TLN2: variants seen among roughly 807,000 people sequenced by gnomAD.
TLN2 encodes talin-2.
In TLN2, 118 loss-of-function variants were observed where a neutral mutation model predicts 294.7. The ratio of observed to expected loss-of-function variants is 0.40; its 90% CI spans 0.34 to 0.47. The LOEUF is 0.47. TLN2 is among the 20% of genes least tolerant of loss of function. The pLI is 0.84. For synonymous variants in TLN2, 1,431 were observed against 1,304.5 expected (o/e 1.10, Z -2.09); for missense variants, 3,083 against 3,282.2 (o/e 0.94, Z 1.48).
At chr15:62,832,328 C>T (rs953965005) in intron 54 of TLN2, 1 of 152,122 alleles carries the variant, frequency 6.6e-6, no homozygotes, top group African/African-American at 2.4e-5. Flanking sequence ...TGGGCCTGGC[C>T]ATCATCTCTC....
chr15:62,474,985 C>T (rs958239901), intron 1 of TLN2, among the ~76,000 whole-genome samples: 2 of 152,030 alleles, frequency 1.3e-5, no homozygotes, highest in African/African-American at 4.8e-5. Flanking sequence ...CTGAGTTCTA[C>T]GCTATGCAAA....
At chr15:62,549,429 C>A (rs2042166969) in intron 1 of TLN2, among the ~76,000 whole-genome samples, 1 of 152,166 alleles carries the variant, frequency 6.6e-6, no homozygotes, top group African/African-American at 2.4e-5. Context: ...GCCACCGCCC[C>A]TGGCCACTGA....
intron 14 of TLN2, among the ~76,000 whole-genome samples, chr15:62,695,297 C>T (rs996924991): frequency 1.3e-5 from 2 of 152,132 alleles, no homozygotes; most frequent in African/African-American, 4.8e-5. Flanking sequence ...AAAGGGAGGC[C>T]AGGGGTCTCA....
At chr15:62,723,523 G>A (rs1374117977) in intron 26 of TLN2, among the ~76,000 whole-genome samples, 2 of 143,908 alleles carry the variant, frequency 1.4e-5, no homozygotes, top group Admixed American at 7.1e-5. Context: ...GGTACAGGAA[G>A]ACACACTGTG....
At chr15:62,468,877 A>AT in intron 1 of TLN2, among the ~76,000 whole-genome samples, 1 of 152,348 alleles carries the variant, frequency 6.6e-6, no homozygotes, top group South Asian at 2.1e-4. Flanking sequence ...GCTCATTTCC[A>AT]TGCTGTTTTC....
At chr15:62,655,396 G>A (rs973975014) in intron 7 of TLN2, among the ~76,000 whole-genome samples, 7 of 152,100 alleles carry the variant, frequency 4.6e-5, no homozygotes, top group African/African-American at 1.4e-4. Flanking sequence ...CCCATGGCAC[G>A]GTTCTGCCAG....
At chr15:62,519,397 T>C (rs777777866) in intron 1 of TLN2, among the ~76,000 whole-genome samples, 3 of 152,232 alleles carry the variant, frequency 2.0e-5, no homozygotes, top group African/African-American at 4.8e-5. Flanking sequence ...CACACCTTTA[T>C]TTTAAGCTTA....
At chr15:62,630,847 T>G in intron 3 of TLN2, among the ~76,000 whole-genome samples, 1 of 152,164 alleles carries the variant, frequency 6.6e-6, no homozygotes, top group East Asian at 1.9e-4. Context: ...TGTCTTTTTC[T>G]TTTTGACATT....
chr15:62,709,590 G>A (rs2059290115), intron 21 of TLN2, among the ~76,000 whole-genome samples: 1 of 152,152 alleles, frequency 6.6e-6, no homozygotes, highest in Admixed American at 6.5e-5. Context: ...TATACAGTCA[G>A]TTTAAAAACA....
intron 1 of TLN2, among the ~76,000 whole-genome samples, chr15:62,545,349 CA>C (rs1187203900): frequency 6.6e-6 from 1 of 152,010 alleles, no homozygotes; most frequent in Non-Finnish European, 1.5e-5. Flanking sequence ...GGCACTGAAA[CA>C]ACACAAAAAG....
At position 62,445,943 on chromosome 15, in the gene TLN2, C is replaced by T. The variant is rs1041402294; in HGVS notation, c.-238+55258C>T. ...TGGGATTACAGGCATGAGCCATCGC[C>T]TACTGGCCCTTTCTTGATATTCTTG... On this transcript the variant is annotated intron_variant, in intron 1 of 58. Coordinates refer to ENST00000636159, the MANE Select transcript of TLN2 (RefSeq NM_015059.3). 2.4e-4 allele frequency among the ~76,000 whole-genome samples: 36 copies of T among 151,762 alleles called. 1 individual carries two copies. Among genetic ancestry groups the T allele is most frequent in the Non-Finnish European group, 1.2e-4 (8 of 67,946 alleles).
intron 1 of TLN2, among the ~76,000 whole-genome samples, chr15:62,413,604 A>C (rs1376509427): frequency 6.6e-6 from 1 of 152,238 alleles, no homozygotes; most frequent in Non-Finnish European, 1.5e-5. Flanking sequence ...GTTTGTGTTC[A>C]AAGTCATGGC....
chr15:62,428,947 C>T (rs1014994513), intron 1 of TLN2, among the ~76,000 whole-genome samples: 11 of 152,028 alleles, frequency 7.2e-5, no homozygotes, highest in Non-Finnish European at 5.9e-5. Context: ...AGAATCTCAC[C>T]CAGACTCACT....
chr15:62,556,395 C>T (rs985627271), intron 1 of TLN2, among the ~76,000 whole-genome samples: 8 of 152,046 alleles, frequency 5.3e-5, no homozygotes, highest in Admixed American at 2.6e-4. Context: ...CAGCCTCAAC[C>T]TTCTGGGCTT....
At chr15:62,739,037 G>T (rs1048092647) in intron 30 of TLN2, among the ~76,000 whole-genome samples, 7 of 152,252 alleles carry the variant, frequency 4.6e-5, no homozygotes, top group Non-Finnish European at 1.0e-4. Context: ...AATGGACCCT[G>T]GAGTCGGATT....
Position 62,694,323 on chromosome 15 carries a change from G to C in TLN2, c.1223G>C (p.Ser408Thr). ...GTTTTATTGCATTTCCAGAAACAAAGTAAAGATCGATTTGGACTAGAAGGT... is the reference window on the plus strand; with the variant it reads ...GTTTTATTGCATTTCCAGAAACAAACTAAAGATCGATTTGGACTAGAAGGT... ...YIDIILKKKQ[S>T]KDRFGLEGDE... The change falls in exon 14 of 59, where the codon AGT becomes ACT. Residue 408 changes from serine to threonine, a missense_variant. By Grantham distance (58) the Ser-to-Thr change is moderately conservative (BLOSUM62 1). Transcript: ENST00000636159. The C allele has an allele frequency of 6.2e-7, 1 of 1,614,022 alleles. No individual in the cohort carries two copies. The highest frequency in any genetic ancestry group is 1.3e-5 in the African/African-American group (1 of 75,042).
chr15:62,711,427 T>C (rs1203016946), intron 21 of TLN2, among the ~76,000 whole-genome samples: 1 of 152,232 alleles, frequency 6.6e-6, no homozygotes, highest in Non-Finnish European at 1.5e-5. Context: ...ATGGCACACA[T>C]TGAATGGATT....
chr15:62,403,585 G>A (rs1282785181), intron 1 of TLN2, among the ~76,000 whole-genome samples: 1 of 152,192 alleles, frequency 6.6e-6, no homozygotes, highest in Non-Finnish European at 1.5e-5. Context: ...CAATCCAGTG[G>A]CTAACTCTTT....
intron 28 of TLN2, among the ~76,000 whole-genome samples, chr15:62,729,104 C>G (rs1022365126): frequency 1.5e-4 from 23 of 152,174 alleles, no homozygotes; most frequent in African/African-American, 1.4e-4. Flanking sequence ...GCTACTTTTT[C>G]CCAATGATCT....
Sources: gnomAD v4.1 joint callset for allele counts (sites outside exome capture counted in the v4.1 genomes callset) on GRCh38, gnomAD v4.1.1 for gene constraint, MANE v1.5 for transcripts, NCBI Gene and HGNC (gene_info 2026-07-23, HGNC 2026-07-21) for gene names.